The following CDC27 variants were observed in gnomAD, a reference collection of about 807,000 sequenced individuals.
The protein encoded by CDC27 is cell division cycle protein 27 homolog.
Under a neutral mutation model 109.7 loss-of-function variants are expected in CDC27, and 27 were observed. The ratio of observed to expected loss-of-function variants is 0.25; its 90% CI spans 0.18 to 0.34. The LOEUF is 0.34. Ranked by LOEUF, CDC27 falls within the 10% of genes least tolerant of loss-of-function variation. The pLI is 1.00. For synonymous variants in CDC27, 266 were observed against 333.9 expected (o/e 0.80, Z 2.22); for missense variants, 579 against 960.2 (o/e 0.60, Z 5.25).
At chr17:47,187,597 C>T (rs1032390274) in intron 1 of CDC27, among the ~76,000 whole-genome samples, 5 of 152,072 alleles carry the variant, frequency 3.3e-5, no homozygotes, top group Admixed American at 1.3e-4. Context: ...CCACCACGCC[C>T]GGCCTTCCAT....
intron 4 of CDC27, among the ~76,000 whole-genome samples, chr17:47,164,294 G>A (rs1435390680): frequency 6.6e-6 from 1 of 152,098 alleles, no homozygotes; most frequent in Non-Finnish European, 1.5e-5. Flanking sequence ...AATCACCTAA[G>A]GACACATTTC....
chr17:47,184,149 A>G (rs1310791041), intron 1 of CDC27, among the ~76,000 whole-genome samples: 1 of 152,210 alleles, frequency 6.6e-6, no homozygotes, highest in Admixed American at 6.5e-5. Context: ...CAGTAGTGGG[A>G]CTTTGTGGGA....
intron 16 of CDC27, among the ~76,000 whole-genome samples, chr17:47,128,201 T>G (rs2062207615): frequency 6.6e-6 from 1 of 151,842 alleles, no homozygotes; most frequent in African/African-American, 2.4e-5. Flanking sequence ...TGGCTAATTT[T>G]TGTATTTTTG....
chr17:47,138,670 G>C, intron 13 of CDC27, 69 bp downstream of exon 13: 1 of 1,059,230 alleles, frequency 9.4e-7, no homozygotes. Flanking sequence ...TGAATTGCTT[G>C]GTTCATCTCT....
chr17:47,159,068 C>T, intron 4 of CDC27: 1 of 228,110 alleles, frequency 4.4e-6, no homozygotes, highest in Non-Finnish European at 8.4e-6. Context: ...TTTAATACAA[C>T]ATTCCCAGTG....
At chr17:47,132,157 A>G in intron 15 of CDC27, 100 bp downstream of exon 15, 1 of 648,526 alleles carries the variant, frequency 1.5e-6, no homozygotes, top group Non-Finnish European at 2.7e-6. Context: ...TACTGTTTCA[A>G]CACAAAAAAG....
intron 4 of CDC27, chr17:47,159,543 G>T (rs2063427260): frequency 1.0e-5 from 5 of 499,978 alleles, no homozygotes; most frequent in Non-Finnish European, 1.8e-5. Context: ...ACGGCGTAGG[G>T]CTTGCCAATC....
At chr17:47,171,403 A>G (rs941053796) in intron 3 of CDC27, among the ~76,000 whole-genome samples, 19 of 152,204 alleles carry the variant, frequency 1.2e-4, no homozygotes, top group East Asian at 3.9e-4. Context: ...CCCTTTTACC[A>G]TTATTCCATC....
intron 4 of CDC27, among the ~76,000 whole-genome samples, chr17:47,161,290 T>G (rs2063491041): frequency 6.6e-6 from 1 of 151,982 alleles, no homozygotes; most frequent in Non-Finnish European, 1.5e-5. Flanking sequence ...GGCCTGAAAT[T>G]TCTTAAATAT....
chr17:47,130,690 C>T (rs1030402723), intron 15 of CDC27, among the ~76,000 whole-genome samples: 2 of 151,916 alleles, frequency 1.3e-5, no homozygotes, highest in African/African-American at 2.4e-5. Context: ...GCCTGGCCAA[C>T]ATGATGAAAC....
At chr17:47,125,126 C>T (rs1451192182) in intron 16 of CDC27, among the ~76,000 whole-genome samples, 1 of 151,450 alleles carries the variant, frequency 6.6e-6, no homozygotes, top group Non-Finnish European at 1.5e-5. Context: ...ACTAAAGTTG[C>T]CCAGGCTGGT....
intron 9 of CDC27, among the ~76,000 whole-genome samples, chr17:47,148,759 A>G (rs2063056573): frequency 6.6e-6 from 1 of 152,174 alleles, no homozygotes; most frequent in Non-Finnish European, 1.5e-5. Context: ...AAAACCAGTA[A>G]AGCAACATCC....
At chr17:47,161,034 A>C (rs1402207395) in intron 4 of CDC27, 1 of 152,070 alleles carries the variant, frequency 6.6e-6, no homozygotes, top group African/African-American at 2.4e-5. Flanking sequence ...GTCTGTATCT[A>C]AGATCATTTA....
At chr17:47,179,854 G>A (rs2064156509) in intron 2 of CDC27, among the ~76,000 whole-genome samples, 1 of 152,178 alleles carries the variant, frequency 6.6e-6, no homozygotes, top group Admixed American at 6.5e-5. Flanking sequence ...AATTCTATGG[G>A]AAAATCTAAT....
At chr17:47,154,589 T>C (rs2063242125) in intron 8 of CDC27, 83 bp downstream of exon 8, 2 of 718,900 alleles carry the variant, frequency 2.8e-6, no homozygotes, top group Non-Finnish European at 4.7e-6. Context: ...TAAAGTAAGA[T>C]TTTCCCTGAG....
intron 1 of CDC27, chr17:47,188,743 TACCGTCACGAAGATCAC>T (rs11570453): frequency 9.7e-7 from 1 of 1,031,620 alleles, no homozygotes; most frequent in Admixed American, 5.3e-5. Context: ...AAACTTGCCC[TACCGTCACGAAGATCAC>T]ACAAGCTCCG....
chr17:47,163,209 T>C (rs2063546905), intron 4 of CDC27, among the ~76,000 whole-genome samples: 1 of 142,320 alleles, frequency 7.0e-6, no homozygotes, highest in Non-Finnish European at 1.6e-5. Flanking sequence ...TCTCATGTGC[T>C]GTAATAGACA....
chr17:47,146,430 T>A (rs1038232035), intron 9 of CDC27, among the ~76,000 whole-genome samples: 1 of 152,180 alleles, frequency 6.6e-6, no homozygotes, highest in African/African-American at 2.4e-5. Context: ...CAGAATTACA[T>A]TATAGTACTA....
At chr17:47,145,832 G>C (rs1184095440) in intron 9 of CDC27, among the ~76,000 whole-genome samples, 1 of 151,968 alleles carries the variant, frequency 6.6e-6, no homozygotes, top group African/African-American at 2.4e-5. Context: ...GGGAGGTGGA[G>C]GTTGCAGTGA....
Sources: allele counts gnomAD v4.1 joint callset (sites outside exome capture counted in the v4.1 genomes callset), GRCh38; gene constraint gnomAD v4.1.1; transcripts MANE v1.5; gene names NCBI Gene and HGNC (gene_info 2026-07-23, HGNC 2026-07-21).